Variants in CEP70 observed in about 807,000 individuals in gnomAD.
The protein encoded by CEP70 is centrosomal protein of 70 kDa.
Under a neutral mutation model 90.9 loss-of-function variants are expected in CEP70, and 70 were observed. The observed-to-expected ratio is 0.77, with a 90% CI of 0.64 to 0.94. The LOEUF (loss-of-function observed/expected upper bound fraction) is 0.94. Among genes scored for constraint, CEP70 ranks in the 40% least tolerant of loss-of-function variants. The probability of loss-of-function intolerance (pLI) is 0.00; values close to 1 mark genes in which losing one functional copy is unlikely to be tolerated. For missense variants in CEP70, 648 were observed against 669.0 expected (o/e 0.97, Z 0.35); for synonymous variants, 220 against 228.3 (o/e 0.96, Z 0.33).
chr3:138,566,637 A>C (rs2108103590), intron 6 of CEP70, among the ~76,000 whole-genome samples: 1 of 152,168 alleles, frequency 6.6e-6, no homozygotes, highest in Middle Eastern at 3.4e-3. Context: ...AGCAAGGGGA[A>C]CATCACACAC....
intron 6 of CEP70, among the ~76,000 whole-genome samples, chr3:138,552,293 A>G (rs1264133596): frequency 2.0e-5 from 3 of 152,182 alleles, no homozygotes; most frequent in Non-Finnish European, 4.4e-5. Context: ...CAAAGAAACA[A>G]TGGATTTAAA....
intron 17 of CEP70, chr3:138,497,730 A>T: frequency 1.0e-6 from 1 of 985,418 alleles, no homozygotes; most frequent in Non-Finnish European, 1.2e-6. Flanking sequence ...AAATCCTAAG[A>T]ATATTTCTCA....
chr3:138,590,404 T>C (rs893291183), intron 2 of CEP70, among the ~76,000 whole-genome samples: 1 of 152,166 alleles, frequency 6.6e-6, no homozygotes, highest in Non-Finnish European at 1.5e-5. Context: ...ACAGGTATCC[T>C]AGCTCTGTCT....
chr3:138,520,792 C>T (rs2036540120), intron 11 of CEP70, among the ~76,000 whole-genome samples: 1 of 152,098 alleles, frequency 6.6e-6, no homozygotes, highest in South Asian at 2.1e-4. Context: ...CCCTCTCCCT[C>T]TCCCTTTTCA....
At chr3:138,529,314 TTAAC>T (rs1360750192) in intron 9 of CEP70, 27 bp from the exon 10 acceptor site, 2 of 1,571,576 alleles carry the variant, frequency 1.3e-6, no homozygotes, top group African/African-American at 2.7e-5. Flanking sequence ...AGAAAAATAA[TTAAC>T]TTTCTTAGAT....
Position 138,500,803 on chromosome 3 carries a change from C to T in CEP70, c.1300G>A (p.Gly434Ser), listed in dbSNP as rs764467823. The change falls in exon 14 of 18, where the codon GGT becomes AGT. Residue 434 changes from glycine (G) to serine (S), a missense_variant. Transcript: ENST00000264982. ...LNLKKQDENE[G>S]IKVEDLLFIV... ...AACAACAAATCTTCAACTTTGATAC[C>T]TTCATTTTCATCCTGCTTCTTCAAA... 6.2e-7 allele frequency: 1 copy of T among 1,605,388 alleles called. No individual in the cohort carries two copies. Among genetic ancestry groups the T allele is most frequent in the South Asian group, 1.1e-5 (1 of 90,246 alleles).
chr3:138,547,812 G>T (rs1159824924), intron 6 of CEP70, among the ~76,000 whole-genome samples: 1 of 152,192 alleles, frequency 6.6e-6, no homozygotes, highest in East Asian at 1.9e-4. Context: ...TGTCCTGAAT[G>T]GGACTGAACA....
chr3:138,552,374 T>A (rs2039685252), intron 6 of CEP70, among the ~76,000 whole-genome samples: 1 of 152,184 alleles, frequency 6.6e-6, no homozygotes, highest in Non-Finnish European at 1.5e-5. Context: ...AGAATATACA[T>A]TCTATTCATC....
At chr3:138,505,551 A>G (rs1333950004) in intron 12 of CEP70, 86 bp from the exon 13 acceptor site, 9 of 768,156 alleles carry the variant, frequency 1.2e-5, no homozygotes, top group Middle Eastern at 4.1e-4. Context: ...TTATGTCTAT[A>G]TATATTATAT....
At chr3:138,543,152 A>C (rs757109768) in intron 6 of CEP70, among the ~76,000 whole-genome samples, 10 of 152,100 alleles carry the variant, frequency 6.6e-5, no homozygotes, top group Non-Finnish European at 1.0e-4. Context: ...CTTGAAGGTG[A>C]GGTTTCACTG....
intron 6 of CEP70, among the ~76,000 whole-genome samples, chr3:138,544,927 T>C (rs1413944475): frequency 6.6e-6 from 1 of 151,800 alleles, no homozygotes; most frequent in Non-Finnish European, 1.5e-5. Context: ...AAGGGGGAAA[T>C]GAAGAGAGGT....
chr3:138,530,368 T>C (rs1249394753), intron 8 of CEP70, among the ~76,000 whole-genome samples: 2 of 152,252 alleles, frequency 1.3e-5, no homozygotes, highest in Middle Eastern at 3.2e-3. Context: ...TAGCCTAGTG[T>C]GCACTGGGTA....
At chr3:138,567,382 A>G (rs2040865632) in intron 6 of CEP70, among the ~76,000 whole-genome samples, 1 of 152,238 alleles carries the variant, frequency 6.6e-6, no homozygotes, top group Non-Finnish European at 1.5e-5. Flanking sequence ...AAGATTGATT[A>G]GTATGGTGAA....
intron 6 of CEP70, among the ~76,000 whole-genome samples, chr3:138,542,121 G>T (rs1163580835): frequency 6.6e-6 from 1 of 152,208 alleles, no homozygotes; most frequent in Non-Finnish European, 1.5e-5. Flanking sequence ...GAGCAGTGAG[G>T]GGTGTGTGAG....
chr3:138,513,147 G>A (rs2035682642), intron 11 of CEP70, among the ~76,000 whole-genome samples: 1 of 152,192 alleles, frequency 6.6e-6, no homozygotes, highest in Non-Finnish European at 1.5e-5. Context: ...TCTCTTGCAG[G>A]GAAAGCTGTC....
Position 138,508,423 on chromosome 3 carries a change from A to C in CEP70, c.1050+16T>G. ...ACAAACATCAGTCTTTTTGTCATGA[A>C]AAATCAATTCAATACCTGAAAGTAT... On this transcript the variant is annotated intron_variant, in intron 12 of 17. Transcript: ENST00000264982. 6.6e-7 allele frequency: 1 copy of C among 1,511,126 alleles called. No homozygotes were observed. The highest frequency in any genetic ancestry group is 9.2e-7 in the Non-Finnish European group (1 of 1,086,474). The allele number at this position is 1,511,126 out of a possible 1,614,324, so 93.6% of individuals were successfully genotyped here.
In CEP70 at chr3:138,513,474, C is replaced by T. The variant is rs183915180; in HGVS notation, c.945-4930G>A. ...ACTCCTAGCCTTTCTTCTCCCTACA[C>T]TTTAAAATAGCAGGAATCTTTTGTG... On this transcript the variant is annotated intron_variant, in intron 11 of 17. Transcript: ENST00000264982. 4.8e-3 allele frequency among the ~76,000 whole-genome samples: 726 copies of T among 152,312 alleles called. 3 individuals carry two copies. The highest frequency in any genetic ancestry group is 8.7e-3 in the Non-Finnish European group (593 of 68,028).
At chr3:138,496,152 C>G in intron 17 of CEP70, 2 of 985,414 alleles carry the variant, frequency 2.0e-6, no homozygotes, top group Non-Finnish European at 2.4e-6. Context: ...TCTAGATACC[C>G]ACACTTTTTT....
In CEP70 at chr3:138,500,832, A is replaced by T. The variant is rs34053101; in HGVS notation, c.1271T>A (p.Leu424His). The T allele has an allele frequency of 1.3e-3, 2,098 of 1,606,922 alleles. 22 individuals are homozygous for T. In the African/African-American group the frequency reaches 0.025, roughly 19 times the overall value. ...ATTTTCATCCTGCTTCTTCAAATTA[A>T]GCCAAGGTACCAGTTCTGCAGATAG... ...KTLSAELVPWLNLKKQDENEG... is the reference protein window; with the variant it reads ...KTLSAELVPWHNLKKQDENEG... The change falls in exon 14 of 18, where the codon CTT becomes CAT. Residue 424 changes from leucine to histidine, a missense_variant. By Grantham distance (99) the Leu-to-His change is moderately conservative (BLOSUM62 -3). Coordinates refer to ENST00000264982, the MANE Select transcript of CEP70 (RefSeq NM_024491.4).
Sources: allele counts gnomAD v4.1 joint callset (sites outside exome capture counted in the v4.1 genomes callset), GRCh38; gene constraint gnomAD v4.1.1; transcripts MANE v1.5; gene names NCBI Gene and HGNC (gene_info 2026-07-23, HGNC 2026-07-21).